ANO3: variants seen among roughly 807,000 people sequenced by gnomAD.
ANO3 encodes the protein anoctamin-3.
In ANO3, 99 loss-of-function variants were observed where a neutral mutation model predicts 144.8. The observed-to-expected ratio is 0.68, with a 90% CI of 0.58 to 0.81. The LOEUF is 0.81. ANO3 is among the 30% of genes least tolerant of loss of function. The probability of loss-of-function intolerance (pLI) is 0.00; values close to 1 mark genes in which losing one functional copy is unlikely to be tolerated. For synonymous variants in ANO3, 414 were observed against 392.6 expected, an observed-to-expected ratio of 1.05 and a Z score of -0.64; for missense variants, 905 against 1,202.2, an observed-to-expected ratio of 0.75 and a Z score of 3.66.
chr11:26,484,580 G>T lies in ANO3; in HGVS notation c.432+21432G>T, dbSNP rs991448622. Among the ~76,000 whole-genome samples, 3 of 152,186 alleles carry T rather than the reference G, an allele frequency of 2.0e-5. No homozygotes were observed. The South Asian group carries it at 6.2e-4, about 32-fold the overall frequency. On this transcript the variant is annotated intron_variant, in intron 4 of 26. Transcript: ENST00000256737. Reference sequence around the variant, plus strand: ...TGCAGGGGTGGAGCTTTCTACTAGGGCTGTGGAGGGGAAATGTGGGGTTGG... The same window carrying T: ...TGCAGGGGTGGAGCTTTCTACTAGGTCTGTGGAGGGGAAATGTGGGGTTGG...
At position 26,547,879 on chromosome 11, in the gene ANO3, CTT is replaced by C. The variant is rs546369065; in HGVS notation, c.1289+330_1289+331del. Among the ~76,000 whole-genome samples, 506 of 151,972 alleles carry C rather than the reference CTT, an allele frequency of 3.3e-3. 3 individuals are homozygous for C. Among genetic ancestry groups the C allele is most frequent in the African/African-American group, 0.012 (478 of 41,498 alleles). On this transcript the variant is annotated intron_variant, in intron 12 of 26. Coordinates refer to ENST00000256737, the MANE Select transcript of ANO3 (RefSeq NM_031418.4). ...AGCATTTGTTAGTCTAGAATGCCCT[CTT>C]GATATATTCATTCAAATCATTATAA...
chr11:26,568,579 GACCC>G (rs1435302639), intron 14 of ANO3, among the ~76,000 whole-genome samples: 1 of 151,464 alleles, frequency 6.6e-6, no homozygotes, highest in Non-Finnish European at 1.5e-5. Flanking sequence ...ATCTTCAAAG[GACCC>G]ATTAAATACA....
chr11:26,462,060 A>T (rs1565039479), intron 3 of ANO3, among the ~76,000 whole-genome samples: 1 of 151,942 alleles, frequency 6.6e-6, no homozygotes, highest in Non-Finnish European at 1.5e-5. Context: ...GCTGCCCATG[A>T]TGTAACATAT....
rs540941157 is a variant in ANO3, at chr11:26,454,291, G to T, written c.314-8739G>T. Among the ~76,000 whole-genome samples, 23 of 152,266 alleles carry T rather than the reference G, an allele frequency of 1.5e-4. No individual in the cohort carries two copies. The South Asian group carries it at 4.6e-3, about 30-fold the overall frequency. The stretch of plus-strand genomic sequence containing the variant: ...CAAAAAATTAATGAATCCAGGAGCT[G>T]GTTTTTTGAAAGGATCAACAAAATT... On this transcript the variant is annotated intron_variant, in intron 3 of 26. Transcript: ENST00000256737.
chr11:26,577,403 A>T (rs1271135928), intron 14 of ANO3, among the ~76,000 whole-genome samples: 1 of 152,180 alleles, frequency 6.6e-6, no homozygotes, highest in African/African-American at 2.4e-5. Flanking sequence ...CTAAAAATAC[A>T]GAAAAAAGAG....
intron 4 of ANO3, among the ~76,000 whole-genome samples, chr11:26,484,941 A>G (rs1411471580): frequency 6.6e-6 from 1 of 152,168 alleles, no homozygotes; most frequent in Non-Finnish European, 1.5e-5. Flanking sequence ...TGGGGCCTGC[A>G]GCCCCTTTGT....
intron 20 of ANO3, among the ~76,000 whole-genome samples, chr11:26,636,389 C>G (rs970594523): frequency 2.0e-5 from 3 of 152,118 alleles, no homozygotes; most frequent in Non-Finnish European, 4.4e-5. Flanking sequence ...TTTACTACAA[C>G]TATATAATAT....
intron 1 of ANO3, among the ~76,000 whole-genome samples, chr11:26,300,620 A>G (rs1854204383): frequency 6.6e-6 from 1 of 152,224 alleles, no homozygotes; most frequent in African/African-American, 2.4e-5. Context: ...TGGCAGTCAC[A>G]TAGGAACAAA....
intron 21 of ANO3, among the ~76,000 whole-genome samples, chr11:26,641,625 G>T (rs537234313): frequency 6.6e-6 from 1 of 152,190 alleles, no homozygotes; most frequent in South Asian, 2.1e-4. Flanking sequence ...TAATTATGTA[G>T]ATATTTATAG....
chr11:26,553,726 A>G (rs1421756087), intron 13 of ANO3, among the ~76,000 whole-genome samples: 2 of 152,140 alleles, frequency 1.3e-5, no homozygotes, highest in East Asian at 3.9e-4. Context: ...ATAACATTCA[A>G]AAAATCCCCA....
intron 1 of ANO3, chr11:26,287,250 A>G (rs1853829943): frequency 6.6e-6 from 1 of 152,216 alleles, no homozygotes; most frequent in Non-Finnish European, 1.5e-5. Context: ...CACAATTAAT[A>G]AATATGCTAT....
upstream of ANO3, among the ~76,000 whole-genome samples, chr11:26,308,207 G>T (rs201123119): frequency 1.3e-5 from 2 of 152,152 alleles, no homozygotes; most frequent in East Asian, 3.9e-4. Context: ...ACAATGAAGA[G>T]ACCTGGATTC....
Position 26,565,030 on chromosome 11 carries a change from C to T in ANO3, c.1447+5251C>T, listed in dbSNP as rs372603012. Reference sequence around the variant, plus strand: ...TTTCTAGTGACTATAATGATCATCCCTCAAAAGTGAGAAAATCCATGCTAT... The same window carrying T: ...TTTCTAGTGACTATAATGATCATCCTTCAAAAGTGAGAAAATCCATGCTAT... On this transcript the variant is annotated intron_variant, in intron 14 of 26. Coordinates refer to ENST00000256737, the MANE Select transcript of ANO3 (RefSeq NM_031418.4). 9 of 880,972 alleles carry T rather than the reference C, an allele frequency of 1.0e-5. No homozygotes were observed. The Middle Eastern group carries it at 1.1e-3, about 111-fold the overall frequency. The allele number at this position is 880,972 out of a possible 1,614,324, so 54.6% of individuals were successfully genotyped here.
At chr11:26,572,159 G>A (rs1211944950) in intron 14 of ANO3, 1 of 985,328 alleles carries the variant, frequency 1.0e-6, no homozygotes. Context: ...GTCGCACTGA[G>A]CAGGAGGGTG....
chr11:26,463,084 G>A lies in ANO3; in HGVS notation c.368G>A (p.Arg123Gln), dbSNP rs1254525478. The change falls in exon 4 of 27, where the codon CGA (arginine) becomes CAA (glutamine). Residue 123 changes from arginine to glutamine, a missense_variant. Physicochemically the swap from Arg to Gln is conservative, Grantham distance 43. Coordinates refer to ENST00000256737, the MANE Select transcript of ANO3 (RefSeq NM_031418.4). Reference sequence around the variant, plus strand: ...GAATCAGAACACGCTACTTATGACCGATCTCGTCTCATTAATGACTTTGTT... The same window carrying A: ...GAATCAGAACACGCTACTTATGACCAATCTCGTCTCATTAATGACTTTGTT... ...TDESEHATYD[R>Q]SRLINDFVIK... 5 of 1,597,004 alleles carry A rather than the reference G, an allele frequency of 3.1e-6. No homozygotes were observed. Among genetic ancestry groups the A allele is most frequent in the Non-Finnish European group, 4.3e-6 (5 of 1,171,640 alleles).
intron 1 of ANO3, among the ~76,000 whole-genome samples, chr11:26,257,360 G>A (rs1372633444): frequency 2.0e-5 from 3 of 151,970 alleles, no homozygotes; most frequent in African/African-American, 4.8e-5. Flanking sequence ...CACTGATGGA[G>A]ACATAAGCTA....
intron 1 of ANO3, among the ~76,000 whole-genome samples, chr11:26,303,773 G>A (rs183829522): frequency 6.6e-6 from 1 of 152,152 alleles, no homozygotes; most frequent in Non-Finnish European, 1.5e-5. Flanking sequence ...AGGCTGGAGT[G>A]CAGTGGCATG....
At chr11:26,288,368 G>A (rs1296328507) in intron 1 of ANO3, among the ~76,000 whole-genome samples, 1 of 152,204 alleles carries the variant, frequency 6.6e-6, no homozygotes, top group Non-Finnish European at 1.5e-5. Context: ...GTCCATGTCA[G>A]CTGGCAGTAA....
chr11:26,334,153 T>A (rs1855134081), intron 1 of ANO3, among the ~76,000 whole-genome samples: 1 of 152,242 alleles, frequency 6.6e-6, no homozygotes, highest in African/African-American at 2.4e-5. Flanking sequence ...TCCTTTATGA[T>A]GCATTATGAG....
Sources: gnomAD v4.1 joint callset for allele counts (sites outside exome capture counted in the v4.1 genomes callset) on GRCh38, gnomAD v4.1.1 for gene constraint, MANE v1.5 for transcripts, NCBI Gene and HGNC (gene_info 2026-07-23, HGNC 2026-07-21) for gene names.